Variants in ST6GALNAC3 observed in about 807,000 individuals in gnomAD.
The protein encoded by ST6GALNAC3 is alpha-N-acetylgalactosaminide alpha-2,6-sialyltransferase 3.
A neutral mutation model predicts 32.7 loss-of-function variants in ST6GALNAC3; 25 were observed. The observed-to-expected ratio is 0.76, with a 90% confidence interval of 0.56 to 1.07. ST6GALNAC3 has a LOEUF of 1.07. Among genes scored for constraint, ST6GALNAC3 ranks in the 50% least tolerant of loss-of-function variants. ST6GALNAC3 has a pLI of 0.00. For missense variants in ST6GALNAC3, 355 were observed against 382.4 expected (o/e 0.93, Z 0.60); for synonymous variants, 129 against 133.1 (o/e 0.97, Z 0.21).
At chr1:76,326,826 G>GTTT (rs11331532) in intron 2 of ST6GALNAC3, among the ~76,000 whole-genome samples, 17 of 113,404 alleles carry the variant, frequency 1.5e-4, no homozygotes, top group East Asian at 8.1e-4. Context: ...GAAGTTTTGG[G>GTTT]TTTTTTTTTT....
chr1:76,245,386 G>A (rs1193901864), intron 1 of ST6GALNAC3, among the ~76,000 whole-genome samples: 1 of 152,006 alleles, frequency 6.6e-6, no homozygotes, highest in East Asian at 1.9e-4. Flanking sequence ...ACAGGTCCTG[G>A]ATTCATTGAT....
chr1:76,472,627 C>T (rs1659105235), intron 3 of ST6GALNAC3, among the ~76,000 whole-genome samples: 1 of 152,080 alleles, frequency 6.6e-6, no homozygotes, highest in Non-Finnish European at 1.5e-5. Flanking sequence ...CAATCTTTTC[C>T]TCTATAAAAT....
chr1:76,188,121 T>C (rs1250397710), intron 1 of ST6GALNAC3, among the ~76,000 whole-genome samples: 1 of 152,152 alleles, frequency 6.6e-6, no homozygotes, highest in Non-Finnish European at 1.5e-5. Flanking sequence ...CCCAGCACTT[T>C]GGGAGGCCGA....
At chr1:76,598,249 A>G (rs1251595255) in intron 3 of ST6GALNAC3, among the ~76,000 whole-genome samples, 1 of 152,092 alleles carries the variant, frequency 6.6e-6, no homozygotes, top group Non-Finnish European at 1.5e-5. Flanking sequence ...ACGACAACAT[A>G]TGAATTTGTG....
chr1:76,207,883 A>T (rs893315396), intron 1 of ST6GALNAC3, among the ~76,000 whole-genome samples: 1 of 152,196 alleles, frequency 6.6e-6, no homozygotes, highest in African/African-American at 2.4e-5. Flanking sequence ...TTCACCTTAC[A>T]TGCTCCAATG....
chr1:76,080,632 C>CA (rs58110770), intron 1 of ST6GALNAC3, among the ~76,000 whole-genome samples: 32,039 of 115,060 alleles, frequency 0.28, 3,848 homozygotes, highest in Middle Eastern at 0.43. Context: ...ACAGATAAAC[C>CA]AAAAAAAAAA....
At chr1:76,502,978 C>T (rs1661263843) in intron 3 of ST6GALNAC3, among the ~76,000 whole-genome samples, 1 of 152,160 alleles carries the variant, frequency 6.6e-6, no homozygotes, top group African/African-American at 2.4e-5. Flanking sequence ...GGCAAAAATA[C>T]AGATTTTCAG....
In ST6GALNAC3 at chr1:76,629,097, G is replaced by T. The variant is rs1479441602; in HGVS notation, c.*291G>T. 1.7e-5 allele frequency: 19 copies of T among 1,130,670 alleles called. No individual in the cohort carries two copies. The highest frequency in any genetic ancestry group is 3.3e-5 in the African/African-American group (2 of 60,516). 70.0% of individuals were successfully genotyped at this position (1,130,670 alleles called of 1,614,324 possible). On this transcript the variant is annotated 3_prime_UTR_variant, in exon 5 of 5. Coordinates refer to ENST00000328299, the MANE Select transcript of ST6GALNAC3 (RefSeq NM_152996.4). ...CAGTGACATGACAACTGTGACCTAAGAAATGGGAAGATTATCTTTCAAGAT... is the reference window on the plus strand; with the variant it reads ...CAGTGACATGACAACTGTGACCTAATAAATGGGAAGATTATCTTTCAAGAT...
intron 3 of ST6GALNAC3, among the ~76,000 whole-genome samples, chr1:76,583,381 G>C (rs1646918376): frequency 6.6e-6 from 1 of 152,172 alleles, no homozygotes; most frequent in South Asian, 2.1e-4. Flanking sequence ...GACATGCAGG[G>C]CTTCCAGCAG....
At chr1:76,236,022 C>T (rs1656635654) in intron 1 of ST6GALNAC3, among the ~76,000 whole-genome samples, 1 of 152,028 alleles carries the variant, frequency 6.6e-6, no homozygotes, top group Non-Finnish European at 1.5e-5. Context: ...GTTGCCCAGG[C>T]TGGAGTGCAA....
At chr1:76,521,841 G>T (rs968030344) in intron 3 of ST6GALNAC3, among the ~76,000 whole-genome samples, 1 of 152,140 alleles carries the variant, frequency 6.6e-6, no homozygotes, top group Admixed American at 6.5e-5. Flanking sequence ...GGCCGAGGCA[G>T]GTGGATTGCC....
chr1:76,264,221 G>T (rs1416464788), intron 1 of ST6GALNAC3, among the ~76,000 whole-genome samples: 2 of 152,116 alleles, frequency 1.3e-5, no homozygotes, highest in African/African-American at 4.8e-5. Context: ...GGGAGTTGGG[G>T]TTAGCTCTAG....
chr1:76,585,824 T>C (rs183335375), intron 3 of ST6GALNAC3, among the ~76,000 whole-genome samples: 24 of 152,318 alleles, frequency 1.6e-4, no homozygotes, highest in African/African-American at 5.8e-4. Context: ...ATTTTACTTA[T>C]TTATTGCTTA....
intron 1 of ST6GALNAC3, among the ~76,000 whole-genome samples, chr1:76,239,479 A>T (rs988073538): frequency 6.6e-6 from 1 of 152,038 alleles, no homozygotes; most frequent in Non-Finnish European, 1.5e-5. Context: ...TTTGGTCAGG[A>T]CCTCAGGAAG....
intron 1 of ST6GALNAC3, among the ~76,000 whole-genome samples, chr1:76,182,073 A>G (rs1653216595): frequency 2.6e-5 from 4 of 152,202 alleles, no homozygotes; most frequent in Admixed American, 2.0e-4. Flanking sequence ...AGAGTCTAAT[A>G]TCAAACTTAC....
intron 3 of ST6GALNAC3, among the ~76,000 whole-genome samples, chr1:76,495,019 T>C (rs1161737930): frequency 6.6e-6 from 1 of 152,116 alleles, no homozygotes; most frequent in Non-Finnish European, 1.5e-5. Flanking sequence ...AGAAGGTCAG[T>C]CTTTTTGTTC....
intron 1 of ST6GALNAC3, among the ~76,000 whole-genome samples, chr1:76,213,701 G>T (rs1201259605): frequency 1.3e-5 from 2 of 152,150 alleles, no homozygotes; most frequent in East Asian, 3.9e-4. Context: ...ATCTTTTAGG[G>T]AGGTGAATAG....
intron 1 of ST6GALNAC3, among the ~76,000 whole-genome samples, chr1:76,139,229 C>T (rs892779708): frequency 2.0e-5 from 3 of 151,742 alleles, no homozygotes; most frequent in Non-Finnish European, 4.4e-5. Context: ...TGCACCTACA[C>T]ATACATGCAC....
At chr1:76,451,077 T>A (rs9437151) in intron 3 of ST6GALNAC3, among the ~76,000 whole-genome samples, 84,719 of 152,064 alleles carry the variant, frequency 0.56, 25,633 homozygotes, top group Non-Finnish European at 0.67. Context: ...TTTTTTCTAG[T>A]TCTGTGAAGA....
Sources: gnomAD v4.1 joint callset for allele counts (sites outside exome capture counted in the v4.1 genomes callset) on GRCh38, gnomAD v4.1.1 for gene constraint, MANE v1.5 for transcripts, NCBI Gene and HGNC (gene_info 2026-07-23, HGNC 2026-07-21) for gene names.